The following CSMD1 variants were observed in gnomAD, a reference collection of about 807,000 sequenced individuals.
CSMD1 encodes the protein CUB and Sushi multiple domains 1.
A neutral mutation model predicts 417.5 loss-of-function variants in CSMD1; 213 were observed. That is an observed-to-expected ratio of 0.51 (90% confidence interval 0.46 to 0.57). The LOEUF is 0.57. Ranked by LOEUF, CSMD1 falls within the 20% of genes least tolerant of loss-of-function variation. The probability of loss-of-function intolerance (pLI) is 0.00; values close to 1 mark genes in which losing one functional copy is unlikely to be tolerated. For synonymous variants in CSMD1, 2,862 were observed against 1,736.8 expected, an observed-to-expected ratio of 1.65 and a Z score of -16.11; for missense variants, 6,923 against 4,529.7, an observed-to-expected ratio of 1.53 and a Z score of -15.17.
At chr8:4,618,635 T>C (rs572852874) in intron 2 of CSMD1, among the ~76,000 whole-genome samples, 1 of 152,144 alleles carries the variant, frequency 6.6e-6, no homozygotes, top group African/African-American at 2.4e-5. Flanking sequence ...AATGAATGCC[T>C]TGGGAAACCG....
chr8:4,097,521 G>T (rs1036885285), intron 3 of CSMD1, among the ~76,000 whole-genome samples: 2 of 152,100 alleles, frequency 1.3e-5, no homozygotes, highest in East Asian at 1.9e-4. Context: ...GTTGCCCCTG[G>T]TGTGTTCAGA....
At chr8:3,567,822 T>G (rs544661553) in intron 10 of CSMD1, among the ~76,000 whole-genome samples, 1 of 152,266 alleles carries the variant, frequency 6.6e-6, no homozygotes, top group South Asian at 2.1e-4. Flanking sequence ...GATCCGTCAC[T>G]ATTTGCTGTA....
At chr8:4,576,953 C>A (rs555670846) in intron 2 of CSMD1, among the ~76,000 whole-genome samples, 1 of 152,184 alleles carries the variant, frequency 6.6e-6, no homozygotes, top group African/African-American at 2.4e-5. Flanking sequence ...CCTCCAAGCT[C>A]TCAGCTAAGT....
At position 3,335,352 on chromosome 8, in the gene CSMD1, C is replaced by G. The variant is rs1807186574; in HGVS notation, c.3631+7942G>C. ...CACACACAGCCAGTGGTGTGTGTCC[C>G]AACGACACAAATGGTCTCACATTTC... On this transcript the variant is annotated intron_variant, in intron 23 of 69. Coordinates refer to ENST00000635120, the MANE Select transcript of CSMD1 (RefSeq NM_033225.6). 3.3e-5 allele frequency among the ~76,000 whole-genome samples: 5 copies of G among 152,264 alleles called. No homozygotes were observed. In the South Asian group the frequency reaches 1.0e-3, roughly 32 times the overall value.
intron 5 of CSMD1, among the ~76,000 whole-genome samples, chr8:3,981,944 G>C (rs796944163): frequency 7.2e-5 from 11 of 152,124 alleles, no homozygotes; most frequent in African/African-American, 2.7e-4. Context: ...GGCCGAGGCA[G>C]GTGGATCACA....
chr8:3,745,333 C>T (rs949505320), intron 6 of CSMD1, among the ~76,000 whole-genome samples: 3 of 152,174 alleles, frequency 2.0e-5, no homozygotes, highest in Admixed American at 2.0e-4. Context: ...GTTGGAATCT[C>T]ATGAGCCTTT....
Position 3,163,201 on chromosome 8 carries a change from T to C in CSMD1, c.5726-924A>G, listed in dbSNP as rs1585523349. On this transcript the variant is annotated intron_variant, in intron 37 of 69. Coordinates refer to ENST00000635120, the MANE Select transcript of CSMD1 (RefSeq NM_033225.6). ...TAAGGGCTTGTTGAATACAAATAAT[T>C]TATTCCATTATTCTAACATGTCATG... is the stretch of plus-strand genomic sequence containing the variant. Among the ~76,000 whole-genome samples the C allele has an allele frequency of 2.6e-5, 4 of 152,250 alleles. No individual in the cohort carries two copies. In the South Asian group the frequency reaches 8.3e-4, roughly 32 times the overall value.
rs546121822 is a variant in CSMD1 at position 4,473,652 on chromosome 8, GA to G, written c.303-53588del. ...GGGGAGTTTAGTTTCCTTTATCTGT[GA>G]AAACAAAGAGCATATGACTCTAGGT... On this transcript the variant is annotated intron_variant, in intron 2 of 69. Coordinates refer to ENST00000635120, the MANE Select transcript of CSMD1 (RefSeq NM_033225.6). Among the ~76,000 whole-genome samples the G allele has an allele frequency of 1.3e-4, 20 of 152,142 alleles. No homozygotes were observed. The East Asian group carries it at 3.7e-3, about 28-fold the overall frequency.
Position 4,808,300 on chromosome 8 carries a change from T to C in CSMD1, c.86-170742A>G, listed in dbSNP as rs150467334. Among the ~76,000 whole-genome samples the C allele has an allele frequency of 5.4e-3, 821 of 152,272 alleles. 2 individuals carry two copies. Among genetic ancestry groups the C allele is most frequent in the African/African-American group, 0.019 (787 of 41,556 alleles). The stretch of plus-strand genomic sequence containing the variant: ...TTGAAAAAGGGTGCTAATTATTTGC[T>C]TTAAAGAAAGTGTGTAAATCTATCT... On this transcript the variant is annotated intron_variant, in intron 1 of 69. Transcript: ENST00000635120.
chr8:3,872,826 A>G (rs776360566), intron 5 of CSMD1, among the ~76,000 whole-genome samples: 1 of 148,914 alleles, frequency 6.7e-6, no homozygotes, highest in Non-Finnish European at 1.5e-5. Context: ...ACAAATTTAC[A>G]ATAAGACAGC....
chr8:3,674,580 C>T (rs1481539994), intron 7 of CSMD1, among the ~76,000 whole-genome samples: 6 of 148,260 alleles, frequency 4.0e-5, no homozygotes, highest in Non-Finnish European at 9.1e-5. Flanking sequence ...CATTAAGCTA[C>T]TGCAAAATAT....
intron 12 of CSMD1, among the ~76,000 whole-genome samples, chr8:3,452,724 T>C (rs1343306576): frequency 6.6e-6 from 1 of 152,212 alleles, no homozygotes; most frequent in Non-Finnish European, 1.5e-5. Context: ...TGTGCCAGTA[T>C]TTTATTGAGG....
rs573561387 is a variant in CSMD1, at chr8:4,405,676, C to T, written c.415+14277G>A. Among the ~76,000 whole-genome samples the T allele has an allele frequency of 7.2e-5, 11 of 152,322 alleles. No individual in the cohort carries two copies. In the East Asian group the frequency reaches 1.3e-3, roughly 19 times the overall value. On this transcript the variant is annotated intron_variant, in intron 3 of 69. Transcript: ENST00000635120. Reference sequence around the variant, plus strand: ...TCCTCGCATGAGACACATCACTCATCGCTAAGCTCCATAAAACAGGATGTG... The same window carrying T: ...TCCTCGCATGAGACACATCACTCATTGCTAAGCTCCATAAAACAGGATGTG...
At chr8:3,422,087 A>G (rs1163267587) in intron 12 of CSMD1, among the ~76,000 whole-genome samples, 2 of 151,180 alleles carry the variant, frequency 1.3e-5, no homozygotes, top group East Asian at 3.9e-4. Context: ...ATCTACACCT[A>G]TCTACCCTTC....
At chr8:4,791,707 C>A (rs955463507) in intron 1 of CSMD1, among the ~76,000 whole-genome samples, 1 of 152,132 alleles carries the variant, frequency 6.6e-6, no homozygotes, top group African/African-American at 2.4e-5. Context: ...TACCATTGTG[C>A]AAGCCAATAG....
intron 26 of CSMD1, among the ~76,000 whole-genome samples, chr8:3,268,241 C>T (rs1191961877): frequency 1.5e-5 from 2 of 134,212 alleles, no homozygotes; most frequent in Non-Finnish European, 3.3e-5. Context: ...CACAATGAGG[C>T]CAGGGCGACT....
At chr8:3,666,119 C>T (rs1373894994) in intron 7 of CSMD1, among the ~76,000 whole-genome samples, 1 of 152,182 alleles carries the variant, frequency 6.6e-6, no homozygotes, top group Non-Finnish European at 1.5e-5. Flanking sequence ...TGGTCTTGAA[C>T]TTCTGACCTC....
intron 7 of CSMD1, among the ~76,000 whole-genome samples, chr8:3,649,574 G>T (rs753731383): frequency 1.3e-5 from 2 of 152,060 alleles, no homozygotes; most frequent in Admixed American, 6.5e-5. Context: ...TGTGCAAAGT[G>T]GGGAGAGCCT....
chr8:2,996,164 G>C (rs1413497407), intron 54 of CSMD1, among the ~76,000 whole-genome samples: 4 of 150,800 alleles, frequency 2.7e-5, no homozygotes, highest in Non-Finnish European at 5.9e-5. Context: ...CAGAGAAAAG[G>C]AGGACTTTAA....
Sources: allele counts gnomAD v4.1 joint callset (sites outside exome capture counted in the v4.1 genomes callset), GRCh38; gene constraint gnomAD v4.1.1; transcripts MANE v1.5; gene names NCBI Gene and HGNC (gene_info 2026-07-23, HGNC 2026-07-21).